MARCHF1: variants seen among roughly 807,000 people sequenced by gnomAD.
The protein encoded by MARCHF1 is membrane associated ring-CH-type finger 1.
MARCHF1 carries 40 observed loss-of-function variants against 54.2 expected under a neutral mutation model. That is an observed-to-expected ratio of 0.74 (90% CI 0.57 to 0.96). The LOEUF is 0.96. Among genes scored for constraint, MARCHF1 ranks in the 40% least tolerant of loss-of-function variants. The pLI is 0.00. For synonymous variants in MARCHF1, 236 were observed against 236.3 expected, an observed-to-expected ratio of 1.00 and a Z score of 0.01; for missense variants, 586 against 656.5, an observed-to-expected ratio of 0.89 and a Z score of 1.17.
At chr4:163,531,213 G>A (rs1992439) in intron 9 of MARCHF1, among the ~76,000 whole-genome samples, 63,095 of 151,598 alleles carry the variant, frequency 0.42, 14,109 homozygotes, top group Admixed American at 0.55. Context: ...TCTCTCATGA[G>A]CAGATACAAA....
chr4:164,031,418 ATAT>A (rs1753875003), intron 2 of MARCHF1, among the ~76,000 whole-genome samples: 1 of 121,712 alleles, frequency 8.2e-6, no homozygotes, highest in African/African-American at 2.7e-5. Flanking sequence ...GGTATCTATT[ATAT>A]TATTTTTTTT....
chr4:163,724,506 T>C (rs962786279), intron 4 of MARCHF1, among the ~76,000 whole-genome samples: 1 of 152,168 alleles, frequency 6.6e-6, no homozygotes, highest in Non-Finnish European at 1.5e-5. Flanking sequence ...TCAAACTCCA[T>C]GCTGGGAGAA....
chr4:163,674,281 T>C (rs761615143), intron 5 of MARCHF1, among the ~76,000 whole-genome samples: 11 of 152,114 alleles, frequency 7.2e-5, no homozygotes, highest in Non-Finnish European at 1.3e-4. Context: ...TTCAACACTA[T>C]GCAATCTACC....
intron 9 of MARCHF1, among the ~76,000 whole-genome samples, chr4:163,532,912 TGA>T (rs1376342805): frequency 2.0e-5 from 3 of 151,982 alleles, no homozygotes; most frequent in African/African-American, 7.2e-5. Context: ...CATTCATTGC[TGA>T]TAGGTATGCA....
intron 3 of MARCHF1, among the ~76,000 whole-genome samples, chr4:163,902,247 T>C (rs1470143181): frequency 6.6e-6 from 1 of 152,200 alleles, no homozygotes; most frequent in East Asian, 1.9e-4. Flanking sequence ...CTGTAGCAGC[T>C]GTAATATGCC....
intron 1 of MARCHF1, among the ~76,000 whole-genome samples, chr4:164,137,303 C>G (rs778599266): frequency 3.9e-5 from 6 of 152,082 alleles, no homozygotes; most frequent in Non-Finnish European, 8.8e-5. Flanking sequence ...AGCCTTGTTA[C>G]TTACTAGACT....
chr4:163,773,569 C>T lies in MARCHF1; in HGVS notation c.112-72706G>A, dbSNP rs184114451. 2.6e-3 allele frequency among the ~76,000 whole-genome samples: 396 copies of T among 152,220 alleles called. 4 individuals carry two copies. The highest frequency in any genetic ancestry group is 9.0e-3 in the African/African-American group (374 of 41,534). ...TCTTGAGAGATTCTTGATAATGATG[C>T]TCAAACAATATAGCACAGAGGGACA... On this transcript the variant is annotated intron_variant, in intron 4 of 9. Coordinates refer to ENST00000514618, the MANE Select transcript of MARCHF1 (RefSeq NM_001394959.1).
intron 2 of MARCHF1, among the ~76,000 whole-genome samples, chr4:164,033,044 A>G (rs1200593585): frequency 6.6e-6 from 1 of 152,122 alleles, no homozygotes; most frequent in Non-Finnish European, 1.5e-5. Flanking sequence ...GACAAAAACA[A>G]GCAATGGGGA....
intron 1 of MARCHF1, among the ~76,000 whole-genome samples, chr4:164,294,261 A>T (rs1479818653): frequency 6.6e-6 from 1 of 152,188 alleles, no homozygotes; most frequent in Non-Finnish European, 1.5e-5. Flanking sequence ...CAGACAGCCC[A>T]CTGTGGCACT....
intron 3 of MARCHF1, among the ~76,000 whole-genome samples, chr4:163,920,848 G>A (rs1326138532): frequency 6.8e-6 from 1 of 146,950 alleles, no homozygotes; most frequent in Non-Finnish European, 1.5e-5. Context: ...AGAATTTCCA[G>A]AACCTAACTA....
chr4:163,857,166 A>G (rs1749791982), intron 3 of MARCHF1, among the ~76,000 whole-genome samples: 1 of 150,064 alleles, frequency 6.7e-6, no homozygotes, highest in African/African-American at 2.4e-5. Context: ...AGGGAGAGTT[A>G]TAATTGCCCA....
At chr4:163,559,324 T>C (rs1318482646) in intron 8 of MARCHF1, among the ~76,000 whole-genome samples, 1 of 152,330 alleles carries the variant, frequency 6.6e-6, no homozygotes, top group Admixed American at 6.5e-5. Flanking sequence ...AATGCAACTT[T>C]AGTTTTTGTA....
At chr4:163,574,237 C>G (rs542079024) in intron 8 of MARCHF1, among the ~76,000 whole-genome samples, 1 of 151,430 alleles carries the variant, frequency 6.6e-6, no homozygotes, top group Admixed American at 6.6e-5. Flanking sequence ...GATTAGGTTG[C>G]GAAAATTTTC....
At chr4:164,265,894 A>T (rs1446331995) in intron 1 of MARCHF1, among the ~76,000 whole-genome samples, 1 of 152,180 alleles carries the variant, frequency 6.6e-6, no homozygotes, top group Non-Finnish European at 1.5e-5. Flanking sequence ...TTCTCCAACC[A>T]AATTAGGAAC....
chr4:163,626,710 T>C (rs1412482879), intron 5 of MARCHF1, among the ~76,000 whole-genome samples: 2 of 152,066 alleles, frequency 1.3e-5, no homozygotes, highest in Non-Finnish European at 2.9e-5. Context: ...GGGTGGATCA[T>C]GAGGTCAGGA....
chr4:164,088,927 T>G (rs1480199173), intron 2 of MARCHF1, among the ~76,000 whole-genome samples: 1 of 152,134 alleles, frequency 6.6e-6, no homozygotes, highest in Admixed American at 6.5e-5. Context: ...TTGAAACCGG[T>G]TTGACTTACA....
chr4:163,648,326 T>C (rs1742833703), intron 5 of MARCHF1, among the ~76,000 whole-genome samples: 1 of 151,936 alleles, frequency 6.6e-6, no homozygotes, highest in African/African-American at 2.4e-5. Context: ...GGCTTGATTG[T>C]TAGACAATTA....
intron 2 of MARCHF1, among the ~76,000 whole-genome samples, chr4:164,008,900 C>A (rs1365157296): frequency 3.3e-5 from 5 of 151,498 alleles, no homozygotes; most frequent in African/African-American, 7.3e-5. Context: ...AATAAACAAC[C>A]TAATAATGCA....
chr4:164,227,390 A>G (rs12644907), intron 1 of MARCHF1, among the ~76,000 whole-genome samples: 141,664 of 152,172 alleles, frequency 0.93, 65,997 homozygotes, highest in African/African-American at 0.96. Context: ...TGGGGATCAT[A>G]GGGATCACAA....
Sources: allele counts gnomAD v4.1 joint callset (sites outside exome capture counted in the v4.1 genomes callset), GRCh38; gene constraint gnomAD v4.1.1; transcripts MANE v1.5; gene names NCBI Gene and HGNC (gene_info 2026-07-23, HGNC 2026-07-21).